The following UBE2E3 variants were observed in gnomAD, a reference collection of about 807,000 sequenced individuals.
UBE2E3 encodes the protein ubiquitin-conjugating enzyme E2 E3.
UBE2E3 carries 5 observed loss-of-function variants against 23.6 expected under a neutral mutation model. The observed-to-expected ratio is 0.21, with a 90% CI of 0.11 to 0.44. The LOEUF (loss-of-function observed/expected upper bound fraction) is 0.44. Among genes scored for constraint, UBE2E3 ranks in the 20% least tolerant of loss-of-function variants. The probability of loss-of-function intolerance (pLI) is 0.99; values close to 1 mark genes in which losing one functional copy is unlikely to be tolerated. For missense variants in UBE2E3, 81 were observed against 249.8 expected, an observed-to-expected ratio of 0.32 and a Z score of 4.55; for synonymous variants, 78 against 87.5, an observed-to-expected ratio of 0.89 and a Z score of 0.60.
chr2:181,013,329 G>C (rs1685389942), intron 3 of UBE2E3, among the ~76,000 whole-genome samples: 1 of 152,156 alleles, frequency 6.6e-6, no homozygotes. Flanking sequence ...CTAGCTGGGT[G>C]GTTCTGGTTC....
intron 3 of UBE2E3, among the ~76,000 whole-genome samples, chr2:180,998,134 G>A (rs201090271): frequency 6.6e-6 from 1 of 151,942 alleles, no homozygotes; most frequent in Non-Finnish European, 1.5e-5. Flanking sequence ...GTGCTTGACC[G>A]TACTCCTTGG....
chr2:181,012,045 G>C (rs771468052), intron 3 of UBE2E3, among the ~76,000 whole-genome samples: 2 of 152,128 alleles, frequency 1.3e-5, no homozygotes, highest in Non-Finnish European at 2.9e-5. Flanking sequence ...TCTACTGCAA[G>C]GTAGAGTGCT....
rs1267227656 is a variant in UBE2E3 at position 180,980,673 on chromosome 2, G to C, written c.-326G>C. 1 of 149,218 alleles carries C rather than the reference G, an allele frequency of 6.7e-6. No homozygotes were observed. Among genetic ancestry groups the C allele is most frequent in the Non-Finnish European group, 1.5e-5 (1 of 66,870 alleles). The allele number at this position is 149,218 out of a possible 1,614,324, so 9.2% of individuals were successfully genotyped here. ...CGGCGGCGGGAGGCTACAGCGCGCGGGGGTCTCCCGCGTCCCCTCCGCCTC... is the reference window on the plus strand; with the variant it reads ...CGGCGGCGGGAGGCTACAGCGCGCGCGGGTCTCCCGCGTCCCCTCCGCCTC... On this transcript the variant is annotated 5_prime_UTR_variant, in exon 1 of 6. Coordinates refer to ENST00000410062, the MANE Select transcript of UBE2E3 (RefSeq NM_006357.4). This position sits in a 1 kb window ranked among gnomAD's most constrained non-coding sequence, Gnocchi z 5.5.
intron 2 of UBE2E3, among the ~76,000 whole-genome samples, chr2:180,982,762 G>A (rs1034923505): frequency 2.0e-5 from 3 of 152,118 alleles, no homozygotes; most frequent in East Asian, 3.9e-4. Context: ...ACTTTCAATC[G>A]TATATCACAG....
rs189649728 is a variant in UBE2E3 at position 181,056,633 on chromosome 2, C to T, written c.246-1060C>T. Among the ~76,000 whole-genome samples, 9 of 151,956 alleles carry T rather than the reference C, an allele frequency of 5.9e-5. No individual in the cohort carries two copies. In the East Asian group the frequency reaches 1.6e-3, roughly 26 times the overall value. ...GGGATCTACCCCTCTGACCCAGACACTTCCCAACATTGCCGCGTTTGGGGG... is the reference window on the plus strand; with the variant it reads ...GGGATCTACCCCTCTGACCCAGACATTTCCCAACATTGCCGCGTTTGGGGG... On this transcript the variant is annotated intron_variant, in intron 3 of 5. Coordinates refer to ENST00000410062, the MANE Select transcript of UBE2E3 (RefSeq NM_006357.4).
intron 4 of UBE2E3, 94 bp from the exon 5 acceptor site, chr2:181,060,571 T>G: frequency 8.9e-7 from 1 of 1,128,234 alleles, no homozygotes; most frequent in Non-Finnish European, 1.2e-6. Flanking sequence ...TAATTTAGTA[T>G]CATCTATGAT....
chr2:181,035,978 A>G (rs544573022), intron 3 of UBE2E3, among the ~76,000 whole-genome samples: 2 of 152,358 alleles, frequency 1.3e-5, no homozygotes, highest in Non-Finnish European at 2.9e-5. Flanking sequence ...ATGTCAGTAC[A>G]GTGCATTCTT....
intron 3 of UBE2E3, among the ~76,000 whole-genome samples, chr2:181,020,899 A>G (rs1451947725): frequency 1.3e-5 from 2 of 152,042 alleles, no homozygotes; most frequent in Non-Finnish European, 2.9e-5. Flanking sequence ...GTTTTATATT[A>G]AGTTTTTAGA....
chr2:181,008,762 C>G (rs1315271221), intron 3 of UBE2E3, among the ~76,000 whole-genome samples: 1 of 152,166 alleles, frequency 6.6e-6, no homozygotes, highest in Non-Finnish European at 1.5e-5. Context: ...GTGCCTAAGT[C>G]AGGTATGTAT....
intron 3 of UBE2E3, among the ~76,000 whole-genome samples, chr2:180,998,091 G>T (rs1157317138): frequency 6.6e-6 from 1 of 152,102 alleles, no homozygotes; most frequent in African/African-American, 2.4e-5. Context: ...TCTGAAACTT[G>T]CCAGACTCAA....
At chr2:181,004,628 C>T (rs138141995) in intron 3 of UBE2E3, among the ~76,000 whole-genome samples, 3 of 150,502 alleles carry the variant, frequency 2.0e-5, no homozygotes, top group African/African-American at 7.3e-5. Context: ...GAGACTCCAT[C>T]TCAAAAAAAA....
At chr2:181,060,225 AT>A in intron 4 of UBE2E3, among the ~76,000 whole-genome samples, 1 of 151,792 alleles carries the variant, frequency 6.6e-6, no homozygotes. Context: ...ATTGATACTG[AT>A]CTTTTCTAGT....
At chr2:181,033,699 G>T (rs1332505916) in intron 3 of UBE2E3, among the ~76,000 whole-genome samples, 1 of 152,118 alleles carries the variant, frequency 6.6e-6, no homozygotes, top group African/African-American at 2.4e-5. Context: ...TTAAACTAAA[G>T]AGCTTCTGCA....
rs1033932218 is a variant in UBE2E3 at position 181,057,868 on chromosome 2, C to T, written c.378+43C>T. 4.4e-6 allele frequency: 7 copies of T among 1,589,684 alleles called. No individual in the cohort carries two copies. In the Admixed American group the frequency reaches 6.9e-5, roughly 16 times the overall value. On this transcript the variant is annotated intron_variant, in intron 4 of 5. Coordinates refer to ENST00000410062, the MANE Select transcript of UBE2E3 (RefSeq NM_006357.4). Reference sequence around the variant, plus strand: ...CATTCTTTAGTATTTAATCCTTCTCCTCTAAAATCGGTTATTCTAGAACTT... The same window carrying T: ...CATTCTTTAGTATTTAATCCTTCTCTTCTAAAATCGGTTATTCTAGAACTT...
chr2:181,002,671 A>AT (rs1318501856), intron 3 of UBE2E3, among the ~76,000 whole-genome samples: 1 of 152,204 alleles, frequency 6.6e-6, no homozygotes, highest in Non-Finnish European at 1.5e-5. Context: ...ATATTTCATA[A>AT]TTTTTTTGTA....
intron 3 of UBE2E3, among the ~76,000 whole-genome samples, chr2:181,049,382 G>A (rs1292407523): frequency 6.6e-6 from 1 of 151,988 alleles, no homozygotes; most frequent in Non-Finnish European, 1.5e-5. Context: ...TTAACTGACT[G>A]GACTTGGATG....
chr2:181,060,942 A>G lies in UBE2E3; in HGVS notation c.526+130A>G, dbSNP rs867505040. 34 of 970,214 alleles carry G rather than the reference A, an allele frequency of 3.5e-5. No homozygotes were observed. In the Middle Eastern group the frequency reaches 4.2e-3, roughly 120 times the overall value. The allele number at this position is 970,214 out of a possible 1,614,324, so 60.1% of individuals were successfully genotyped here. A position where few individuals can be genotyped will look rare whatever the true frequency, so the allele number is the denominator to read the frequency against. ...AAATGTTATTCATAGAAAGATCCCCATAAAACAGTTTGTGAGGAAATTACC... is the reference window on the plus strand; with the variant it reads ...AAATGTTATTCATAGAAAGATCCCCGTAAAACAGTTTGTGAGGAAATTACC... On this transcript the variant is annotated intron_variant, in intron 5 of 5. Transcript: ENST00000410062.
chr2:180,996,413 A>G (rs1684821761), intron 3 of UBE2E3, among the ~76,000 whole-genome samples: 1 of 152,214 alleles, frequency 6.6e-6, no homozygotes, highest in Non-Finnish European at 1.5e-5. Flanking sequence ...TTAAGGTAGA[A>G]CGCAAACCTT....
At chr2:181,015,944 A>G (rs1335822043) in intron 3 of UBE2E3, among the ~76,000 whole-genome samples, 2 of 147,226 alleles carry the variant, frequency 1.4e-5, no homozygotes, top group Non-Finnish European at 3.0e-5. Flanking sequence ...TCTGTTATAT[A>G]GTACCATGGA....
Sources: gnomAD v4.1 joint callset for allele counts (sites outside exome capture counted in the v4.1 genomes callset) on GRCh38, gnomAD v4.1.1 for gene constraint, Gnocchi (gnomAD v3.1) non-coding constraint, MANE v1.5 for transcripts, NCBI Gene and HGNC (gene_info 2026-07-23, HGNC 2026-07-21) for gene names.